TANC1: variants seen among roughly 807,000 people sequenced by gnomAD.
TANC1 encodes the protein protein TANC1.
In TANC1, 77 loss-of-function variants were observed where a neutral mutation model predicts 149.7. The observed-to-expected ratio is 0.51, with a 90% CI of 0.43 to 0.62. The LOEUF is 0.62. Ranked by LOEUF, TANC1 falls within the 20% of genes least tolerant of loss-of-function variation. TANC1 has a pLI of 0.00. For synonymous variants in TANC1, 854 were observed against 925.0 expected, an observed-to-expected ratio of 0.92 and a Z score of 1.39; for missense variants, 1,985 against 2,321.8, an observed-to-expected ratio of 0.85 and a Z score of 2.98.
intron 22 of TANC1, 149 bp downstream of exon 22, chr2:159,220,016 G>GTC (rs1553616318): frequency 3.7e-4 from 258 of 695,304 alleles, no homozygotes; most frequent in Admixed American, 7.8e-4. Context: ...GTGTGTGTGT[G>GTC]TGTGTCTTGT....
intron 4 of TANC1, among the ~76,000 whole-genome samples, chr2:159,111,489 T>C (rs1370644336): frequency 6.6e-6 from 1 of 152,228 alleles, no homozygotes; most frequent in Admixed American, 6.5e-5. Flanking sequence ...ACATGCTGTC[T>C]CTTGATGGCA....
At position 158,988,718 on chromosome 2, in the gene TANC1, A is replaced by C. The variant is rs537314306; in HGVS notation, c.-125-12362A>C. ...TATGCCAGGCTCTGTGCTAAGTGCT[A>C]GTCTAATTCAGCCCTCTTGAAGGCC... On this transcript the variant is annotated intron_variant, in intron 1 of 26. Transcript: ENST00000263635. Among the ~76,000 whole-genome samples, 13 of 152,258 alleles carry C rather than the reference A, an allele frequency of 8.5e-5. No homozygotes were observed. In the South Asian group the frequency reaches 2.3e-3, roughly 27 times the overall value.
chr2:158,969,858 T>G (rs992514760), intron 1 of TANC1, among the ~76,000 whole-genome samples: 1 of 152,060 alleles, frequency 6.6e-6, no homozygotes, highest in Non-Finnish European at 1.5e-5. Flanking sequence ...CAGATCCGCG[T>G]GCCTCCAGTG....
chr2:159,124,502 C>A (rs570938839), intron 4 of TANC1, among the ~76,000 whole-genome samples: 12 of 152,274 alleles, frequency 7.9e-5, no homozygotes, highest in Admixed American at 3.3e-4. Context: ...AAGGATCCTG[C>A]CTTCCTTTTG....
At chr2:159,189,442 C>G (rs952868991) in intron 16 of TANC1, among the ~76,000 whole-genome samples, 1 of 152,162 alleles carries the variant, frequency 6.6e-6, no homozygotes, top group African/African-American at 2.4e-5. Flanking sequence ...GACCTGAGTT[C>G]TTGTCGTTTC....
intron 2 of TANC1, among the ~76,000 whole-genome samples, chr2:159,034,557 G>A (rs1003438430): frequency 6.6e-6 from 1 of 152,208 alleles, no homozygotes; most frequent in Non-Finnish European, 1.5e-5. Context: ...CCATGGGATG[G>A]AAAACCACCT....
chr2:159,160,181 G>T (rs2150382274), intron 7 of TANC1, among the ~76,000 whole-genome samples: 1 of 152,232 alleles, frequency 6.6e-6, no homozygotes, highest in African/African-American at 2.4e-5. Flanking sequence ...CTCGAGGGTG[G>T]CTGAGACCCA....
At chr2:159,170,877 A>T in intron 10 of TANC1, 72 bp downstream of exon 10, 1 of 1,513,424 alleles carries the variant, frequency 6.6e-7, no homozygotes, top group Non-Finnish European at 9.0e-7. Flanking sequence ...GTTCACATAG[A>T]CATAAAATAC....
intron 3 of TANC1, among the ~76,000 whole-genome samples, chr2:159,081,582 G>A (rs995848185): frequency 2.6e-5 from 4 of 152,126 alleles, no homozygotes; most frequent in Admixed American, 6.5e-5. Context: ...AAAAGAAAAC[G>A]GGCAACTGTA....
chr2:159,073,466 C>T (rs2043345014), intron 3 of TANC1, among the ~76,000 whole-genome samples: 1 of 152,134 alleles, frequency 6.6e-6, no homozygotes, highest in South Asian at 2.1e-4. Context: ...CAAGGCACCA[C>T]CTATCTGAAT....
At chr2:158,976,365 C>T (rs1317732351) in intron 1 of TANC1, among the ~76,000 whole-genome samples, 1 of 152,146 alleles carries the variant, frequency 6.6e-6, no homozygotes, top group Non-Finnish European at 1.5e-5. Context: ...GTGGTACCCT[C>T]ATTCTTATTC....
At chr2:158,996,981 CAAAA>C (rs1166208435) in intron 1 of TANC1, among the ~76,000 whole-genome samples, 2 of 118,446 alleles carry the variant, frequency 1.7e-5, no homozygotes, top group Admixed American at 8.9e-5. Context: ...CAGACTGTGG[CAAAA>C]AAAAAAAAAA....
In TANC1 at chr2:159,136,318, C is replaced by G; in HGVS notation, c.364+20C>G. 7.4e-7 allele frequency: 1 copy of G among 1,349,216 alleles called. No individual in the cohort carries two copies. Among genetic ancestry groups the G allele is most frequent in the Non-Finnish European group, 1.1e-6 (1 of 937,710 alleles). The allele number at this position is 1,349,216 out of a possible 1,614,324, so 83.6% of individuals were successfully genotyped here. ...AGCATGGTAAGAATTTCAGTGATTT[C>G]CTTCCCCCTCTACCAAAGATTTTAT... is the stretch of plus-strand genomic sequence containing the variant. On this transcript the variant is annotated intron_variant, in intron 5 of 26. Transcript: ENST00000263635.
chr2:159,086,068 G>A (rs1402987276), intron 3 of TANC1, among the ~76,000 whole-genome samples: 1 of 152,164 alleles, frequency 6.6e-6, no homozygotes, highest in Non-Finnish European at 1.5e-5. Flanking sequence ...TGGCCTCATT[G>A]CACAGCTCCG....
intron 3 of TANC1, among the ~76,000 whole-genome samples, chr2:159,072,664 T>G (rs545476967): frequency 3.3e-5 from 5 of 152,264 alleles, no homozygotes; most frequent in African/African-American, 1.2e-4. Context: ...ATACCTAATG[T>G]TAAAGGACGA....
At chr2:159,032,657 C>T (rs1337199020) in intron 2 of TANC1, among the ~76,000 whole-genome samples, 1 of 152,134 alleles carries the variant, frequency 6.6e-6, no homozygotes, top group Non-Finnish European at 1.5e-5. Context: ...AACACTGTCC[C>T]TCCATTCTCT....
intron 7 of TANC1, 151 bp downstream of exon 7, chr2:159,150,707 G>A (rs1156498516): frequency 1.2e-5 from 7 of 593,636 alleles, no homozygotes; most frequent in Non-Finnish European, 2.1e-5. Flanking sequence ...GACTCCATGT[G>A]TAGCTGAGAG....
At chr2:159,067,420 T>G (rs2042768760) in intron 3 of TANC1, among the ~76,000 whole-genome samples, 1 of 152,204 alleles carries the variant, frequency 6.6e-6, no homozygotes, top group Non-Finnish European at 1.5e-5. Context: ...GAGACCATAG[T>G]TAACCTTAGA....
intron 5 of TANC1, among the ~76,000 whole-genome samples, chr2:159,145,076 G>T (rs1346915100): frequency 6.6e-6 from 1 of 152,226 alleles, no homozygotes; most frequent in Non-Finnish European, 1.5e-5. Flanking sequence ...GTGATCACTA[G>T]GGACCTGCGC....
Sources: gnomAD v4.1 joint callset for allele counts (sites outside exome capture counted in the v4.1 genomes callset) on GRCh38, gnomAD v4.1.1 for gene constraint, MANE v1.5 for transcripts, NCBI Gene and HGNC (gene_info 2026-07-23, HGNC 2026-07-21) for gene names.